PRKN: variants seen among roughly 807,000 people sequenced by gnomAD.
The protein encoded by PRKN is E3 ubiquitin-protein ligase parkin.
A neutral mutation model predicts 59.5 loss-of-function variants in PRKN; 56 were observed. The observed-to-expected ratio is 0.94, with a 90% CI of 0.76 to 1.18. PRKN has a LOEUF of 1.18. PRKN is among the 50% of genes most tolerant of loss of function. The probability of loss-of-function intolerance (pLI) is 0.00; values close to 1 mark genes in which losing one functional copy is unlikely to be tolerated. For synonymous variants in PRKN, 250 were observed against 222.1 expected (o/e 1.13, Z -1.12); for missense variants, 657 against 596.4 (o/e 1.10, Z -1.06).
At chr6:162,615,070 CAATAAA>C (rs903922123) in intron 1 of PRKN, among the ~76,000 whole-genome samples, 10 of 152,064 alleles carry the variant, frequency 6.6e-5, no homozygotes, top group African/African-American at 2.4e-4. Flanking sequence ...GGATTAAAAA[CAATAAA>C]AATGTGCTTA....
At position 161,547,440 on chromosome 6, in the gene PRKN, A is replaced by G. The variant is rs74458050; in HGVS notation, c.1083+1414T>C. Among the ~76,000 whole-genome samples the G allele has an allele frequency of 0.018, 2,809 of 152,348 alleles. 92 individuals carry two copies. The highest frequency in any genetic ancestry group is 0.063 in the African/African-American group (2,623 of 41,568). ...AAGATAAAGATATTCAAGATTTCAC[A>G]TTACATAAACCCTTCAACATTCTTA... On this transcript the variant is annotated intron_variant, in intron 9 of 11. Coordinates refer to ENST00000366898, the MANE Select transcript of PRKN (RefSeq NM_004562.3). The surrounding 1 kb of genome is among the most constrained non-coding windows in gnomAD (Gnocchi z 4.0).
At chr6:161,677,603 C>T (rs1173374473) in intron 7 of PRKN, among the ~76,000 whole-genome samples, 3 of 152,218 alleles carry the variant, frequency 2.0e-5, no homozygotes, top group Non-Finnish European at 4.4e-5. Flanking sequence ...CTCGGCAGCA[C>T]ACACACTGCA....
intron 4 of PRKN, among the ~76,000 whole-genome samples, chr6:162,097,417 G>A (rs889729409): frequency 1.8e-4 from 28 of 152,254 alleles, no homozygotes; most frequent in Admixed American, 6.5e-4. Flanking sequence ...ATGGATGACC[G>A]AAGGCTTAGA....
At chr6:162,207,533 T>G (rs138166807) in intron 3 of PRKN, among the ~76,000 whole-genome samples, 1 of 152,140 alleles carries the variant, frequency 6.6e-6, no homozygotes, top group African/African-American at 2.4e-5. Flanking sequence ...GGAAAGGTCA[T>G]GCAGCCAACC....
chr6:161,837,572 C>A (rs1334543393), intron 6 of PRKN, among the ~76,000 whole-genome samples: 1 of 145,132 alleles, frequency 6.9e-6, no homozygotes. Context: ...GTTTTTTTTC[C>A]TTTAAAAAAA....
At chr6:162,374,058 T>C (rs992353953) in intron 2 of PRKN, among the ~76,000 whole-genome samples, 4 of 152,202 alleles carry the variant, frequency 2.6e-5, no homozygotes, top group Admixed American at 6.5e-5. Context: ...TATAGCCTGA[T>C]TACACAGTTT....
In PRKN at chr6:162,240,995, G is replaced by A. The variant is rs536896854; in HGVS notation, c.412+21530C>T. Among the ~76,000 whole-genome samples, 10 of 152,224 alleles carry A rather than the reference G, an allele frequency of 6.6e-5. No individual in the cohort carries two copies. In the East Asian group the frequency reaches 1.7e-3, roughly 26 times the overall value. ...GCCTCCATCTCTCCTAGGCACTTTA[G>A]CCATTTTACTCTAAAGCAGATTTGG... On this transcript the variant is annotated intron_variant, in intron 3 of 11. Transcript: ENST00000366898.
rs878872477 is a variant in PRKN, at chr6:161,525,094, G to C, written c.1083+23760C>G. On this transcript the variant is annotated intron_variant, in intron 9 of 11. Coordinates refer to ENST00000366898, the MANE Select transcript of PRKN (RefSeq NM_004562.3). The surrounding 1 kb of genome is among the most constrained non-coding windows in gnomAD (Gnocchi z 4.7). ...ATTTCATCTCTTAATGTGAAAATAA[G>C]ATTTTTGAGTTGACACATTCATTCA... 2.0e-5 allele frequency among the ~76,000 whole-genome samples: 3 copies of C among 151,786 alleles called. No homozygotes were observed. The highest frequency in any genetic ancestry group is 6.6e-5 in the Admixed American group (1 of 15,224).
chr6:161,360,326 C>G lies in PRKN; in HGVS notation c.1168-121G>C, dbSNP rs1014577040. On this transcript the variant is annotated intron_variant, in intron 10 of 11. Transcript: ENST00000366898. The surrounding 1 kb of genome is among the most constrained non-coding windows in gnomAD (Gnocchi z 5.1). Reference sequence around the variant, plus strand: ...GACAGGAGTGCCTTCGGGCAAGAAGCCTAAATATCAATGCACTTGACAAAT... The same window carrying G: ...GACAGGAGTGCCTTCGGGCAAGAAGGCTAAATATCAATGCACTTGACAAAT... 2 of 803,708 alleles carry G rather than the reference C, an allele frequency of 2.5e-6. No individual in the cohort carries two copies. Among genetic ancestry groups the G allele is most frequent in the Non-Finnish European group, 4.4e-6 (2 of 453,838 alleles). The allele number at this position is 803,708 out of a possible 1,614,324, so 49.8% of individuals were successfully genotyped here. A position where few individuals can be genotyped will look rare whatever the true frequency, so the allele number is the denominator to read the frequency against.
chr6:162,390,603 G>GAC, intron 2 of PRKN, among the ~76,000 whole-genome samples: 1 of 151,728 alleles, frequency 6.6e-6, no homozygotes, highest in East Asian at 2.0e-4. Flanking sequence ...ACCACGCCTG[G>GAC]CTAATATTTG....
chr6:161,842,046 C>T (rs542003411), intron 6 of PRKN, among the ~76,000 whole-genome samples: 1 of 152,242 alleles, frequency 6.6e-6, no homozygotes, highest in South Asian at 2.1e-4. Flanking sequence ...TAAGCACTAA[C>T]CCAAATTTCT....
chr6:161,870,416 C>CAGA (rs1794296689), intron 6 of PRKN, among the ~76,000 whole-genome samples: 1 of 152,146 alleles, frequency 6.6e-6, no homozygotes, highest in East Asian at 1.9e-4. Context: ...TCAGGCCACA[C>CAGA]AGAACAAAGC....
At chr6:162,102,525 C>A (rs1035177062) in intron 4 of PRKN, among the ~76,000 whole-genome samples, 14 of 152,160 alleles carry the variant, frequency 9.2e-5, no homozygotes, top group African/African-American at 3.4e-4. Flanking sequence ...GAAACTGATA[C>A]ATAAATATTT....
At chr6:162,511,924 A>C (rs956237092) in intron 1 of PRKN, among the ~76,000 whole-genome samples, 4 of 152,206 alleles carry the variant, frequency 2.6e-5, no homozygotes, top group African/African-American at 9.7e-5. Flanking sequence ...GTCTCAATGA[A>C]AATAAGCCTC....
chr6:161,547,876 C>T lies in PRKN; in HGVS notation c.1083+978G>A, dbSNP rs1193504243. On this transcript the variant is annotated intron_variant, in intron 9 of 11. Transcript: ENST00000366898. This position sits in a 1 kb window ranked among gnomAD's most constrained non-coding sequence, Gnocchi z 4.0. ...TGGTATCTCATTATTTTTCAACTTC[C>T]ACTTCCTCTACTCCATTGCTCAACC... is the stretch of plus-strand genomic sequence containing the variant. Among the ~76,000 whole-genome samples, 3 of 152,084 alleles carry T rather than the reference C, an allele frequency of 2.0e-5. No individual in the cohort carries two copies. The highest frequency in any genetic ancestry group is 4.4e-5 in the Non-Finnish European group (3 of 68,030).
intron 5 of PRKN, among the ~76,000 whole-genome samples, chr6:162,001,326 T>C (rs557180995): frequency 2.0e-5 from 3 of 152,090 alleles, no homozygotes; most frequent in Non-Finnish European, 4.4e-5. Context: ...CACAGTTTTG[T>C]AATTTTCCTC....
At chr6:162,528,173 T>C (rs7764161) in intron 1 of PRKN, among the ~76,000 whole-genome samples, 25,361 of 151,388 alleles carry the variant, frequency 0.17, 3,328 homozygotes, top group African/African-American at 0.36. Context: ...ATACAAAAAA[T>C]TAGCCAGGCG....
In PRKN at chr6:161,825,617, C is replaced by T. The variant is rs577362973; in HGVS notation, c.735-39709G>A. Among the ~76,000 whole-genome samples, 6 of 152,304 alleles carry T rather than the reference C, an allele frequency of 3.9e-5. No homozygotes were observed. The South Asian group carries it at 1.2e-3, about 32-fold the overall frequency. On this transcript the variant is annotated intron_variant, in intron 6 of 11. Coordinates refer to ENST00000366898, the MANE Select transcript of PRKN (RefSeq NM_004562.3). ...TTCAGCATGGAGCTTCCGCTCTACT[C>T]CCAAGCTTGAATGAAATCTCTTGAT...
At chr6:162,519,782 TAAG>T (rs1182340320) in intron 1 of PRKN, among the ~76,000 whole-genome samples, 6 of 152,196 alleles carry the variant, frequency 3.9e-5, no homozygotes, top group Non-Finnish European at 8.8e-5. Flanking sequence ...CTTCCTTGGG[TAAG>T]AAGAAGAGAT....
Sources: gnomAD v4.1 joint callset for allele counts (sites outside exome capture counted in the v4.1 genomes callset) on GRCh38, gnomAD v4.1.1 for gene constraint, Gnocchi (gnomAD v3.1) non-coding constraint, MANE v1.5 for transcripts, NCBI Gene and HGNC (gene_info 2026-07-23, HGNC 2026-07-21) for gene names.